Variants in SGCD observed in about 807,000 individuals in gnomAD.
The protein encoded by SGCD is sarcoglycan delta, also known as delta-sarcoglycan.
A neutral mutation model predicts 36.6 loss-of-function variants in SGCD; 18 were observed. That is an observed-to-expected ratio of 0.49 (90% CI 0.34 to 0.73). SGCD has a LOEUF of 0.73. SGCD is among the 30% of genes least tolerant of loss of function. The probability of loss-of-function intolerance (pLI) is 0.01; values close to 1 mark genes in which losing one functional copy is unlikely to be tolerated. For missense variants in SGCD, 387 were observed against 346.7 expected (o/e 1.12, Z -0.92); for synonymous variants, 133 against 130.6 (o/e 1.02, Z -0.12).
intron 4 of SGCD, among the ~76,000 whole-genome samples, chr5:156,582,599 C>A (rs1760318316): frequency 6.6e-6 from 1 of 152,244 alleles, no homozygotes; most frequent in African/African-American, 2.4e-5. Flanking sequence ...ACCCTCTTAT[C>A]TGACCTCACC....
At chr5:156,356,616 A>G (rs1769503890) in intron 3 of SGCD, among the ~76,000 whole-genome samples, 1 of 151,746 alleles carries the variant, frequency 6.6e-6, no homozygotes, top group Non-Finnish European at 1.5e-5. Flanking sequence ...TCATGGGGGA[A>G]TTGCAAAGTT....
chr5:156,300,268 C>A (rs1486056793), intron 3 of SGCD, among the ~76,000 whole-genome samples: 2 of 151,706 alleles, frequency 1.3e-5, no homozygotes, highest in African/African-American at 4.8e-5. Flanking sequence ...GCTATAAACT[C>A]TCCTCTTAGT....
rs960256321 is a variant in SGCD at position 156,500,707 on chromosome 5, A to G, written c.193-7894A>G. 6.6e-5 allele frequency among the ~76,000 whole-genome samples: 10 copies of G among 152,212 alleles called. 1 individual carries two copies. The highest frequency in any genetic ancestry group is 5.9e-4 in the Admixed American group (9 of 15,288). ...ACGACCAACGTTTGCCTTTTTCTGA[A>G]TAAACATATGCACTCTGGGTGTTTT... is the stretch of plus-strand genomic sequence containing the variant. On this transcript the variant is annotated intron_variant, in intron 3 of 8. Coordinates refer to ENST00000337851, the MANE Select transcript of SGCD (RefSeq NM_000337.6).
rs60893052 is a variant in SGCD at position 156,269,469 on chromosome 5, CAAAAAAAAAAAAAAAAAAAAAA to C, written c.-43-60045_-43-60024del. ...TAGGGGACAGAGTGAGACTCCGTCT[CAAAAAAAAAAAAAAAAAAAAAA>C]AAAAAAAAAAAAAAAAAAACCATCA... On this transcript the variant is annotated intron_variant, in intron 3 of 9. Coordinates refer to the SGCD transcript ENST00000517913. Among the ~76,000 whole-genome samples, 151 of 30,468 alleles carry C rather than the reference CAAAAAAAAAAAAAAAAAAAAAA, an allele frequency of 5.0e-3. 1 individual carries two copies. The highest frequency in any genetic ancestry group is 0.014 in the African/African-American group (124 of 8,600). The allele number at this position is 30,468 out of a possible 152,430, so 20.0% of individuals were successfully genotyped here.
chr5:155,961,770 T>G (rs1220319817), intron 1 of SGCD, among the ~76,000 whole-genome samples: 1 of 152,120 alleles, frequency 6.6e-6, no homozygotes, highest in Non-Finnish European at 1.5e-5. Context: ...TTTTAAATCC[T>G]TACTTTAATC....
At chr5:156,158,257 C>A (rs1332290052) in intron 3 of SGCD, among the ~76,000 whole-genome samples, 1 of 151,672 alleles carries the variant, frequency 6.6e-6, no homozygotes, top group Non-Finnish European at 1.5e-5. Context: ...TTTCTCTAAA[C>A]TTCTGTGAGT....
chr5:156,533,076 C>G (rs1757953670), intron 4 of SGCD, among the ~76,000 whole-genome samples: 1 of 152,028 alleles, frequency 6.6e-6, no homozygotes, highest in African/African-American at 2.4e-5. Context: ...TGCTGCTTAC[C>G]CAGCTGGCTT....
At chr5:156,043,254 C>T (rs560715758) in intron 1 of SGCD, among the ~76,000 whole-genome samples, 13 of 152,132 alleles carry the variant, frequency 8.5e-5, no homozygotes, top group Non-Finnish European at 1.9e-4. Context: ...TGGAACAGAG[C>T]CACCTTGTTG....
intron 3 of SGCD, among the ~76,000 whole-genome samples, chr5:156,155,169 C>T (rs1762923117): frequency 6.6e-6 from 1 of 151,570 alleles, no homozygotes; most frequent in Admixed American, 6.6e-5. Flanking sequence ...AATGTAGCCA[C>T]CAAAGTATTT....
chr5:156,368,992 T>C (rs1234660048), intron 3 of SGCD, among the ~76,000 whole-genome samples: 1 of 152,194 alleles, frequency 6.6e-6, no homozygotes, highest in African/African-American at 2.4e-5. Flanking sequence ...ATCAAAAAGG[T>C]TGGGGACCGC....
the SGCD span, among the ~76,000 whole-genome samples, chr5:155,813,196 T>TG: frequency 6.6e-6 from 1 of 152,092 alleles, no homozygotes; most frequent in East Asian, 1.9e-4. Flanking sequence ...GTGAGAGGTA[T>TG]GGGATGCTAT....
At chr5:156,008,085 T>C (rs149750134) in intron 1 of SGCD, among the ~76,000 whole-genome samples, 1,804 of 152,306 alleles carry the variant, frequency 0.012, 38 homozygotes, top group African/African-American at 0.041. Context: ...ACTTTACCCG[T>C]TGTGCTAGTG....
chr5:156,224,026 C>G (rs1266596581), intron 3 of SGCD, among the ~76,000 whole-genome samples: 6 of 151,770 alleles, frequency 4.0e-5, no homozygotes, highest in Admixed American at 2.6e-4. Context: ...AAAGAAGTTA[C>G]AAATTCGTGT....
At chr5:156,497,168 GCACTCTCTCTCT>G (rs1233328108) in intron 3 of SGCD, among the ~76,000 whole-genome samples, 2 of 108,698 alleles carry the variant, frequency 1.8e-5, no homozygotes, top group Non-Finnish European at 3.7e-5. Context: ...TCACTCTCCT[GCACTCTCTCTCT>G]CTCTCTCTCT....
At chr5:156,321,708 T>C (rs1420491265) in intron 3 of SGCD, among the ~76,000 whole-genome samples, 4 of 152,128 alleles carry the variant, frequency 2.6e-5, no homozygotes, top group Admixed American at 2.0e-4. Flanking sequence ...CTGGAAAATA[T>C]CTATTTTCCC....
intron 4 of SGCD, among the ~76,000 whole-genome samples, chr5:156,568,909 A>G (rs1308582011): frequency 6.6e-6 from 1 of 152,256 alleles, no homozygotes; most frequent in Admixed American, 6.5e-5. Context: ...CACGTACTGT[A>G]ATAGAATACC....
chr5:156,047,895 C>T (rs557132359), intron 1 of SGCD, among the ~76,000 whole-genome samples: 1 of 152,116 alleles, frequency 6.6e-6, no homozygotes, highest in South Asian at 2.1e-4. Flanking sequence ...CATATGTATA[C>T]ATGTGCCATG....
chr5:156,262,067 A>C (rs1765882825), intron 3 of SGCD, among the ~76,000 whole-genome samples: 2 of 152,120 alleles, frequency 1.3e-5, no homozygotes. Context: ...TACTGAAGAA[A>C]AGATATTTGT....
At chr5:156,428,280 T>C (rs1020984156) in intron 3 of SGCD, among the ~76,000 whole-genome samples, 1 of 152,162 alleles carries the variant, frequency 6.6e-6, no homozygotes, top group African/African-American at 2.4e-5. Context: ...TTTGTATCTT[T>C]CTAGGAATTT....
Sources: gnomAD v4.1 joint callset for allele counts (sites outside exome capture counted in the v4.1 genomes callset) on GRCh38, gnomAD v4.1.1 for gene constraint, MANE v1.5 for transcripts, NCBI Gene and HGNC (gene_info 2026-07-23, HGNC 2026-07-21) for gene names.